The following BMP2K variants were observed in gnomAD, a reference collection of about 807,000 sequenced individuals.
BMP2K encodes BMP2 inducible kinase, also known as BMP-2-inducible protein kinase.
In BMP2K, 74 loss-of-function variants were observed where a neutral mutation model predicts 116.0. The observed-to-expected ratio is 0.64, with a 90% CI of 0.53 to 0.77. BMP2K has a LOEUF of 0.77. Ranked by LOEUF, BMP2K falls within the 30% of genes least tolerant of loss-of-function variation. The pLI, the probability that BMP2K is intolerant of heterozygous loss-of-function variation, is 0.00. For synonymous variants in BMP2K, 486 were observed against 502.5 expected, an observed-to-expected ratio of 0.97 and a Z score of 0.44; for missense variants, 1,365 against 1,403.6, an observed-to-expected ratio of 0.97 and a Z score of 0.44.
At chr4:78,845,230 T>C (rs1730943001) in intron 5 of BMP2K, among the ~76,000 whole-genome samples, 181 bp downstream of exon 5, 2 of 151,558 alleles carry the variant, frequency 1.3e-5, no homozygotes, top group South Asian at 2.1e-4. Context: ...TATTTTGCCA[T>C]AGATGCAGAT....
At chr4:78,837,596 A>G (rs965475809) in intron 3 of BMP2K, among the ~76,000 whole-genome samples, 1 of 152,076 alleles carries the variant, frequency 6.6e-6, no homozygotes, top group Non-Finnish European at 1.5e-5. Context: ...TTTAGCTGCA[A>G]ATCTTTTGTT....
At chr4:78,822,430 A>G (rs1020267245) in intron 1 of BMP2K, among the ~76,000 whole-genome samples, 10 of 152,170 alleles carry the variant, frequency 6.6e-5, no homozygotes, top group Admixed American at 1.3e-4. Context: ...TATACAATTT[A>G]TGTAGTTTAT....
intron 1 of BMP2K, among the ~76,000 whole-genome samples, chr4:78,803,419 A>G (rs1479367434): frequency 6.6e-6 from 1 of 152,084 alleles, no homozygotes; most frequent in Non-Finnish European, 1.5e-5. Context: ...GGGGGGGATC[A>G]GAGTCTTGCT....
chr4:78,913,326 AC>A lies in BMP2K; in HGVS notation c.*1295del, dbSNP rs1734769751. 1 of 152,138 alleles carries A rather than the reference AC, an allele frequency of 6.6e-6. No individual in the cohort carries two copies. The highest frequency in any genetic ancestry group is 1.5e-5 in the Non-Finnish European group (1 of 67,992). The allele number at this position is 152,138 out of a possible 1,614,324, so 9.4% of individuals were successfully genotyped here. A position where few individuals can be genotyped will look rare whatever the true frequency, so the allele number is the denominator to read the frequency against. ...TGTCTTTACTGAAAAGAACCCAGCT[AC>A]CAATTTGCCTTTTTTTACACCACAA... On this transcript the variant is annotated 3_prime_UTR_variant, in exon 16 of 16. Transcript: ENST00000502613.
chr4:78,889,214 C>T (rs1733284691), intron 15 of BMP2K, among the ~76,000 whole-genome samples: 1 of 115,778 alleles, frequency 8.6e-6, no homozygotes, highest in Non-Finnish European at 1.6e-5. Context: ...GAGTGAGACT[C>T]TGTCTCAAAA....
At chr4:78,818,927 G>T (rs1461747261) in intron 1 of BMP2K, among the ~76,000 whole-genome samples, 1 of 151,802 alleles carries the variant, frequency 6.6e-6, no homozygotes, top group Middle Eastern at 3.4e-3. Context: ...CTCCTGAGTT[G>T]TTGGGATTAC....
chr4:78,781,123 A>AC (rs1170326633), intron 1 of BMP2K, among the ~76,000 whole-genome samples: 2 of 152,194 alleles, frequency 1.3e-5, no homozygotes, highest in African/African-American at 4.8e-5. Flanking sequence ...TGGCAAGGTG[A>AC]CCAGGGTCCG....
intron 13 of BMP2K, among the ~76,000 whole-genome samples, chr4:78,873,656 CTCTGTGTGTGTGTGTGTGTGTG>C (rs1236264413): frequency 1.4e-5 from 2 of 138,086 alleles, no homozygotes; most frequent in African/African-American, 5.7e-5. Flanking sequence ...GCCTCCCAAC[CTCTGTGTGTGTGTGTGTGTGTG>C]TGTGTGTGTG....
At chr4:78,878,628 T>G in intron 13 of BMP2K, 106 bp from the exon 14 acceptor site, 3 of 921,742 alleles carry the variant, frequency 3.3e-6, no homozygotes, top group Non-Finnish European at 4.9e-6. Flanking sequence ...AAGGAAATGA[T>G]TTGGTTTTCT....
At chr4:78,901,433 A>G (rs919783578) in intron 15 of BMP2K, among the ~76,000 whole-genome samples, 2 of 152,172 alleles carry the variant, frequency 1.3e-5, no homozygotes, top group Middle Eastern at 3.2e-3. Flanking sequence ...AAAGGATTAA[A>G]TGAGTTATGC....
intron 7 of BMP2K, among the ~76,000 whole-genome samples, chr4:78,852,179 G>C (rs766797458): frequency 2.6e-4 from 40 of 151,990 alleles, no homozygotes; most frequent in Admixed American, 1.3e-3. Flanking sequence ...ATGTGGGAGT[G>C]GGGTGGGGTT....
intron 1 of BMP2K, among the ~76,000 whole-genome samples, chr4:78,812,148 A>G (rs1221477344): frequency 6.6e-6 from 1 of 151,950 alleles, no homozygotes; most frequent in Non-Finnish European, 1.5e-5. Flanking sequence ...TTGTATTTTT[A>G]GTAGAGACAG....
chr4:78,900,791 T>C (rs1733956091), intron 15 of BMP2K, among the ~76,000 whole-genome samples: 2 of 152,234 alleles, frequency 1.3e-5, no homozygotes, highest in African/African-American at 4.8e-5. Context: ...GAAAGTTAAA[T>C]TTATAATGAT....
chr4:78,866,898 G>A (rs895532833), intron 10 of BMP2K, among the ~76,000 whole-genome samples: 1 of 152,110 alleles, frequency 6.6e-6, no homozygotes, highest in Non-Finnish European at 1.5e-5. Flanking sequence ...GCTTTGCTCT[G>A]TATTGGATAC....
In BMP2K at chr4:78,776,711, G is replaced by A. The variant is rs1377964914; in HGVS notation, c.168G>A (p.Ser56=). 2.4e-6 allele frequency: 3 copies of A among 1,266,524 alleles called. No individual in the cohort carries two copies. Among genetic ancestry groups the A allele is most frequent in the Non-Finnish European group, 1.0e-6 (1 of 1,001,952 alleles). The allele number at this position is 1,266,524 out of a possible 1,614,324, so 78.5% of individuals were successfully genotyped here. ...VGRHQVTLEE[S]LAEGGFSTVF... ...GCCACCAGGTCACCCTGGAAGAGTC[G>A]CTGGCCGAAGGTACGGGCGCCCGGG... is the stretch of plus-strand genomic sequence containing the variant. Residue 56 remains serine, a synonymous_variant, in exon 1 of 16, where the codon TCG becomes TCA. Transcript: ENST00000502613.
At chr4:78,882,906 C>G (rs1484928053) in intron 14 of BMP2K, among the ~76,000 whole-genome samples, 1 of 151,996 alleles carries the variant, frequency 6.6e-6, no homozygotes, top group African/African-American at 2.4e-5. Context: ...AAATTCAGAA[C>G]TATTACTGTT....
intron 1 of BMP2K, among the ~76,000 whole-genome samples, chr4:78,801,742 G>C (rs1343873131): frequency 6.6e-6 from 1 of 152,094 alleles, no homozygotes; most frequent in East Asian, 1.9e-4. Flanking sequence ...TTATAACTCT[G>C]TGCCTCACCT....
rs7695186 is a variant in BMP2K, at chr4:78,781,889, A to T, written c.178+5168A>T. ...CGAAGAAGACTAAGAAGAAGGTGCT[A>T]GAGAGGTATGAGGAATACCAGGACA... On this transcript the variant is annotated intron_variant, in intron 1 of 15. Coordinates refer to ENST00000502613, the MANE Select transcript of BMP2K (RefSeq NM_198892.2). 7.9e-3 allele frequency among the ~76,000 whole-genome samples: 1,210 copies of T among 152,258 alleles called. 14 individuals are homozygous for T. The highest frequency in any genetic ancestry group is 0.028 in the African/African-American group (1,165 of 41,534).
chr4:78,789,014 G>A (rs562449854), intron 1 of BMP2K, among the ~76,000 whole-genome samples: 11 of 151,108 alleles, frequency 7.3e-5, no homozygotes, highest in African/African-American at 2.4e-4. Flanking sequence ...TGCTTTGGAA[G>A]ACGAAATATA....
Sources: gnomAD v4.1 joint callset for allele counts (sites outside exome capture counted in the v4.1 genomes callset) on GRCh38, gnomAD v4.1.1 for gene constraint, MANE v1.5 for transcripts, NCBI Gene and HGNC (gene_info 2026-07-23, HGNC 2026-07-21) for gene names.